The following BAZ2B variants were observed in gnomAD, a reference collection of about 807,000 sequenced individuals.
The protein encoded by BAZ2B is bromodomain adjacent to zinc finger domain 2B, also known as bromodomain adjacent to zinc finger domain protein 2B.
In BAZ2B, 91 loss-of-function variants were observed where a neutral mutation model predicts 246.0. The ratio of observed to expected loss-of-function variants is 0.37; its 90% CI spans 0.31 to 0.44. The LOEUF is 0.44. Among genes scored for constraint, BAZ2B ranks in the 20% least tolerant of loss-of-function variants. BAZ2B has a pLI of 1.00. For missense variants in BAZ2B, 2,332 were observed against 2,533.7 expected (o/e 0.92, Z 1.71); for synonymous variants, 855 against 860.0 (o/e 0.99, Z 0.10).
intron 25 of BAZ2B, 98 bp from the exon 26 acceptor site, chr2:159,374,851 G>T: frequency 2.0e-6 from 2 of 992,256 alleles, no homozygotes; most frequent in Non-Finnish European, 1.5e-6. Context: ...ACTGCGGAAA[G>T]GTATTAAGAC....
rs969811311 is a variant in BAZ2B, at chr2:159,324,820, C to T, written c.6344G>A (p.Ser2115Asn). 4.0e-6 allele frequency: 6 copies of T among 1,501,306 alleles called. No individual in the cohort carries two copies. The highest frequency in any genetic ancestry group is 5.3e-6 in the Non-Finnish European group (6 of 1,131,464). 93.0% of individuals were successfully genotyped at this position (1,501,306 alleles called of 1,614,324 possible). ...GAAATGATTTACTTACTGTCCACTA[C>T]TTAGTTTCTCTCTAATTGTGGAAAA... ...MDFSTIREKL[S>N]SGQYPNLETF... is the part of the protein sequence containing the mutation. Residue 2115 changes from serine (S) to asparagine (N), a missense_variant, in exon 36 of 37, where the codon AGT (serine) becomes AAT (asparagine). By Grantham distance (46) the Ser-to-Asn change is conservative (BLOSUM62 1). Around this residue, in one of 9 missense-constraint regions of BAZ2B, gnomAD observed 210 missense variants for 232.5 expected, o/e 0.90. Transcript: ENST00000392783.
At chr2:159,695,962 T>G in the BAZ2B span, among the ~76,000 whole-genome samples, 1 of 152,072 alleles carries the variant, frequency 6.6e-6, no homozygotes, top group Non-Finnish European at 1.5e-5. Context: ...GGTTTCATCA[T>G]GCTGGTCAGA....
At chr2:159,544,045 C>T (rs2086986627) in intron 2 of BAZ2B, among the ~76,000 whole-genome samples, 1 of 152,112 alleles carries the variant, frequency 6.6e-6, no homozygotes, top group Admixed American at 6.6e-5. Context: ...AGGTCCTTTT[C>T]CTTTTAGAGT....
At chr2:159,435,221 C>CT (rs1039696215) in intron 8 of BAZ2B, 5 of 151,882 alleles carry the variant, frequency 3.3e-5, no homozygotes, top group Non-Finnish European at 1.5e-5. Context: ...TTTTTGGACT[C>CT]TGTCACCCAG....
At chr2:159,399,868 T>A (rs554438662) in intron 17 of BAZ2B, among the ~76,000 whole-genome samples, 68 of 152,338 alleles carry the variant, frequency 4.5e-4, no homozygotes, top group Non-Finnish European at 8.4e-4. Context: ...GAGACATGCC[T>A]GCTTAGACAC....
At chr2:159,451,715 A>G (rs2075121183) in intron 4 of BAZ2B, among the ~76,000 whole-genome samples, 1 of 152,170 alleles carries the variant, frequency 6.6e-6, no homozygotes, top group Non-Finnish European at 1.5e-5. Flanking sequence ...TGTACCTTAA[A>G]TGAATAAGTG....
chr2:159,631,030 C>A, the BAZ2B span, among the ~76,000 whole-genome samples: 9,699 of 151,862 alleles, frequency 0.064, 994 homozygotes, highest in African/African-American at 0.22. Flanking sequence ...CCCAACTTTA[C>A]AAAAAAATTT....
At chr2:159,675,482 G>A in the BAZ2B span, among the ~76,000 whole-genome samples, 1 of 152,064 alleles carries the variant, frequency 6.6e-6, no homozygotes, top group East Asian at 1.9e-4. Flanking sequence ...TGTATGTAGA[G>A]TTTTATAAAG....
chr2:159,610,046 G>A (rs1045800431), intron 1 of BAZ2B, among the ~76,000 whole-genome samples: 4 of 152,088 alleles, frequency 2.6e-5, no homozygotes, highest in Admixed American at 6.6e-5. Context: ...AAATAGGACC[G>A]AACTATTGGC....
chr2:159,567,513 C>T (rs990105756), intron 1 of BAZ2B, among the ~76,000 whole-genome samples: 1 of 152,130 alleles, frequency 6.6e-6, no homozygotes, highest in Non-Finnish European at 1.5e-5. Context: ...TGTAGGACTA[C>T]TTCTTTAACA....
At chr2:159,672,377 C>A in the BAZ2B span, among the ~76,000 whole-genome samples, 1 of 152,138 alleles carries the variant, frequency 6.6e-6, no homozygotes, top group Admixed American at 6.6e-5. Flanking sequence ...GGGATCTCAC[C>A]CACATAAACA....
rs762647861 is a variant in BAZ2B, at chr2:159,349,431, G to C, written c.4864-151C>G. 9 of 932,236 alleles carry C rather than the reference G, an allele frequency of 9.7e-6. 1 individual carries two copies. Among genetic ancestry groups the C allele is most frequent in the Non-Finnish European group, 1.4e-5 (9 of 653,590 alleles). 57.7% of individuals were successfully genotyped at this position (932,236 alleles called of 1,614,324 possible). On this transcript the variant is annotated intron_variant, in intron 28 of 36. Coordinates refer to ENST00000392783, the MANE Select transcript of BAZ2B (RefSeq NM_013450.4). ...AACAAAATACATTAGCAACAAAAAT[G>C]TTAAATTCCATGTTCTTATTTGTTT... is the stretch of plus-strand genomic sequence containing the variant.
chr2:159,467,908 TCAAATAAAAAACAG>T (rs1253698517), intron 3 of BAZ2B, among the ~76,000 whole-genome samples: 1 of 152,132 alleles, frequency 6.6e-6, no homozygotes, highest in African/African-American at 2.4e-5. Flanking sequence ...CAGATGATGG[TCAAATAAAAAACAG>T]CAGGCTTATC....
intron 1 of BAZ2B, among the ~76,000 whole-genome samples, chr2:159,571,299 G>C (rs192707013): frequency 4.3e-4 from 66 of 152,160 alleles, no homozygotes; most frequent in African/African-American, 1.4e-3. Context: ...AGAAATCTGA[G>C]AAACAGCATG....
the BAZ2B span, among the ~76,000 whole-genome samples, chr2:159,627,401 T>C: frequency 6.6e-6 from 1 of 150,562 alleles, no homozygotes; most frequent in Non-Finnish European, 1.5e-5. Context: ...TTGATGAACA[T>C]CAATGTGAAA....
chr2:159,597,983 CAT>C (rs1401800965), intron 1 of BAZ2B, among the ~76,000 whole-genome samples: 11 of 128,852 alleles, frequency 8.5e-5, no homozygotes, highest in Admixed American at 1.9e-4. Context: ...AATAAGACCA[CAT>C]AGACGTATTC....
the BAZ2B span, chr2:159,710,664 C>G: frequency 1.3e-5 from 2 of 152,064 alleles, no homozygotes; most frequent in Non-Finnish European, 2.9e-5. Flanking sequence ...TTTACTAGCA[C>G]CAATAAAAAA....
chr2:159,333,472 G>A (rs1043546783), intron 33 of BAZ2B, among the ~76,000 whole-genome samples: 2 of 151,726 alleles, frequency 1.3e-5, no homozygotes, highest in African/African-American at 4.8e-5. Context: ...TATTCTGTAC[G>A]GTAAGTTTTA....
the BAZ2B span, among the ~76,000 whole-genome samples, chr2:159,647,338 A>G: frequency 1.3e-5 from 2 of 152,218 alleles, no homozygotes; most frequent in African/African-American, 4.8e-5. Context: ...TCAAGTCTGA[A>G]GGCAAGAAAA....
Sources: gnomAD v4.1 joint callset for allele counts (sites outside exome capture counted in the v4.1 genomes callset) on GRCh38, gnomAD v4.1.1 for gene constraint, gnomAD v4.1.1 regional missense constraint, MANE v1.5 for transcripts, NCBI Gene and HGNC (gene_info 2026-07-23, HGNC 2026-07-21) for gene names.